The following FBLN1 variants were observed in gnomAD, a reference collection of about 807,000 sequenced individuals.
FBLN1 encodes fibulin-1.
FBLN1 carries 34 observed loss-of-function variants against 89.7 expected under a neutral mutation model. The observed-to-expected ratio is 0.38, with a 90% CI of 0.29 to 0.50. The LOEUF (loss-of-function observed/expected upper bound fraction) is 0.50. Ranked by LOEUF, FBLN1 falls within the 20% of genes least tolerant of loss-of-function variation. The pLI is 0.92. For synonymous variants in FBLN1, 393 were observed against 391.3 expected, an observed-to-expected ratio of 1.00 and a Z score of -0.05; for missense variants, 777 against 988.1, an observed-to-expected ratio of 0.79 and a Z score of 2.86.
In FBLN1 at chr22:45,551,204, G is replaced by A. The variant is rs1326933412; in HGVS notation, c.1697+589G>A. The A allele has an allele frequency of 3.9e-5, 7 of 179,280 alleles. No individual in the cohort carries two copies. The East Asian group carries it at 5.4e-4, about 14-fold the overall frequency. 11.1% of individuals were successfully genotyped at this position (179,280 alleles called of 1,614,324 possible). A position where few individuals can be genotyped will look rare whatever the true frequency, so the allele number is the denominator to read the frequency against. ...CATCACGGCGCCCACTTGAGACCAC[G>A]GTTCCCACTTCCTATCCCCCTTGCC... On this transcript the variant is annotated intron_variant, in intron 14 of 16. Coordinates refer to ENST00000327858, the MANE Select transcript of FBLN1 (RefSeq NM_006486.3).
chr22:45,524,304 G>A (rs1210501315), intron 2 of FBLN1, among the ~76,000 whole-genome samples: 1 of 152,184 alleles, frequency 6.6e-6, no homozygotes, highest in Non-Finnish European at 1.5e-5. Flanking sequence ...CTGGAGCTGG[G>A]GTTATTTTGG....
rs181866861 is a variant in FBLN1 at position 45,526,080 on chromosome 22, G to A, written c.321+402G>A. 2.1e-3 allele frequency among the ~76,000 whole-genome samples: 316 copies of A among 152,266 alleles called. 8 individuals are homozygous for A. Among genetic ancestry groups the A allele is most frequent in the Admixed American group, 0.021 (315 of 15,296 alleles). On this transcript the variant is annotated intron_variant, in intron 3 of 16. Transcript: ENST00000327858. ...CTCAGGCTTCTCTACCCACAGACTC[G>A]TCAGGGTCCAGAGGTAAAAATGGGC...
rs1274330232 is a variant in FBLN1, at chr22:45,556,921, C to T, written c.1697+6306C>T. 6.6e-6 allele frequency among the ~76,000 whole-genome samples: 1 copy of T among 152,046 alleles called. No individual in the cohort carries two copies. The highest frequency in any genetic ancestry group is 1.5e-5 in the Non-Finnish European group (1 of 68,018). On this transcript the variant is annotated intron_variant, in intron 14 of 16. Transcript: ENST00000327858. This position sits in a 1 kb window ranked among gnomAD's most constrained non-coding sequence, Gnocchi z 4.6. ...TGAGTGGTGCCACTTCCATTTCCAC[C>T]CTTGGATGCCTGGACCCGTGAATCC...
intron 14 of FBLN1, among the ~76,000 whole-genome samples, chr22:45,570,319 C>CAAAAAAAAAAAAAAAAAAAAAAAAAA (rs761469854): frequency 1.4e-4 from 5 of 36,406 alleles, no homozygotes; most frequent in Admixed American, 3.6e-4. Context: ...GACTCTGTCT[C>CAAAAAAAAAAAAAAAAAAAAAAAAAA]AAAAAAAAAA....
At chr22:45,515,620 G>T (rs2088159116) in intron 1 of FBLN1, among the ~76,000 whole-genome samples, 1 of 152,132 alleles carries the variant, frequency 6.6e-6, no homozygotes, top group African/African-American at 2.4e-5. Flanking sequence ...TCACCTGCGG[G>T]GGATTCCGCA....
At position 45,576,603 on chromosome 22, in the gene FBLN1, CT is replaced by C. The variant is rs1428986948; in HGVS notation, c.1841-373del. 6.6e-6 allele frequency among the ~76,000 whole-genome samples: 1 copy of C among 152,122 alleles called. No homozygotes were observed. ...CTATAGATGGGAGAGGAGCCCACCC[CT>C]CTGGCCTTTCTGCTGTCTCCCTCTG... On this transcript the variant is annotated intron_variant, in intron 15 of 16. Coordinates refer to ENST00000327858, the MANE Select transcript of FBLN1 (RefSeq NM_006486.3). This position sits in a 1 kb window ranked among gnomAD's most constrained non-coding sequence, Gnocchi z 5.2.
chr22:45,531,200 G>T lies in FBLN1; in HGVS notation c.485-65G>T. ...ATAGTGACAAGAAGAGAGAATGTTG[G>T]GAGTTTCTTTTAAGATAAGATGGGT... On this transcript the variant is annotated intron_variant, in intron 4 of 16. Transcript: ENST00000327858. This position sits in a 1 kb window ranked among gnomAD's most constrained non-coding sequence, Gnocchi z 4.9. 7.2e-7 allele frequency: 1 copy of T among 1,384,616 alleles called. No homozygotes were observed. Among genetic ancestry groups the T allele is most frequent in the Non-Finnish European group, 1.0e-6 (1 of 971,160 alleles). The allele number at this position is 1,384,616 out of a possible 1,614,324, so 85.8% of individuals were successfully genotyped here. A position where few individuals can be genotyped will look rare whatever the true frequency, so the allele number is the denominator to read the frequency against.
chr22:45,589,807 C>T (rs949983054), intron 16 of FBLN1, among the ~76,000 whole-genome samples: 2 of 152,022 alleles, frequency 1.3e-5, no homozygotes, highest in African/African-American at 4.8e-5. Flanking sequence ...TGCCTCATGT[C>T]TCCACCCTCC....
In FBLN1 at chr22:45,578,452, A is replaced by AG. The variant is rs1353634564; in HGVS notation, c.1972+1348dup. On this transcript the variant is annotated intron_variant, in intron 16 of 16. Coordinates refer to ENST00000327858, the MANE Select transcript of FBLN1 (RefSeq NM_006486.3). This position sits in a 1 kb window ranked among gnomAD's most constrained non-coding sequence, Gnocchi z 4.6. ...GTGCATTAGCCCTCGCGTGATTCCA[A>AG]GGGGAAGGCGCATGGTTTGGTTGTC... 1 of 152,156 alleles carries AG rather than the reference A, an allele frequency of 6.6e-6. No individual in the cohort carries two copies. Among genetic ancestry groups the AG allele is most frequent in the African/African-American group, 2.4e-5 (1 of 41,448 alleles). The allele number at this position is 152,156 out of a possible 1,614,324, so 9.4% of individuals were successfully genotyped here. A position where few individuals can be genotyped will look rare whatever the true frequency, so the allele number is the denominator to read the frequency against.
chr22:45,525,892 C>T (rs2088320855), intron 3 of FBLN1, among the ~76,000 whole-genome samples: 5 of 152,202 alleles, frequency 3.3e-5, no homozygotes, highest in African/African-American at 9.6e-5. Context: ...CACCTGGGGC[C>T]GAGTCTCCCA....
chr22:45,526,223 C>T (rs1263398880), intron 3 of FBLN1, among the ~76,000 whole-genome samples: 7 of 152,212 alleles, frequency 4.6e-5, no homozygotes, highest in African/African-American at 9.6e-5. Flanking sequence ...GGGACCCAGA[C>T]GGGATCCTGC....
At position 45,518,806 on chromosome 22, in the gene FBLN1, A is replaced by G. The variant is rs1261326865; in HGVS notation, c.185+19A>G. ...AATGCAGGTACGTTTGCCAGTGGCC[A>G]CTGTTTCACTGGAACAATGTTCCTT... is the stretch of plus-strand genomic sequence containing the variant. On this transcript the variant is annotated intron_variant, in intron 2 of 16. Transcript: ENST00000327858. The G allele has an allele frequency of 1.9e-6, 3 of 1,561,876 alleles. No homozygotes were observed. Among genetic ancestry groups the G allele is most frequent in the East Asian group, 4.6e-5 (2 of 43,468 alleles).
chr22:45,512,725 G>A (rs369162483), intron 1 of FBLN1, among the ~76,000 whole-genome samples: 10 of 152,218 alleles, frequency 6.6e-5, no homozygotes, highest in African/African-American at 2.2e-4. Flanking sequence ...CAGGACACAC[G>A]GGGGAGCTGT....
At position 45,563,934 on chromosome 22, in the gene FBLN1, T is replaced by C. The variant is rs957665494; in HGVS notation, c.1698-10577T>C. 6.6e-6 allele frequency among the ~76,000 whole-genome samples: 1 copy of C among 152,186 alleles called. No individual in the cohort carries two copies. The highest frequency in any genetic ancestry group is 1.5e-5 in the Non-Finnish European group (1 of 68,042). ...TCCTAGGATGCAGCTCTTGCCTCAG[T>C]GAAGTCGTTTTGCCCCCACTGAGGA... is the stretch of plus-strand genomic sequence containing the variant. On this transcript the variant is annotated intron_variant, in intron 14 of 16. Transcript: ENST00000327858. The surrounding 1 kb of genome is among the most constrained non-coding windows in gnomAD (Gnocchi z 5.7).
Position 45,535,224 on chromosome 22 carries a change from T to C in FBLN1, c.809T>C (p.Ile270Thr), listed in dbSNP as rs773046273. ...GATATTGACGAGTGTGAGAGTGGTA[T>C]TCATAACTGCCTCCCCGATTTTATC... ...CKDIDECESG[I>T]HNCLPDFICQ... The change falls in exon 8 of 17, where the codon ATT becomes ACT. Residue 270 changes from isoleucine (I) to threonine (T), a missense_variant. By Grantham distance (89) the Ile-to-Thr change is moderately conservative. Transcript: ENST00000327858. 9 of 1,614,076 alleles carry C rather than the reference T, an allele frequency of 5.6e-6. No individual in the cohort carries two copies. Among genetic ancestry groups the C allele is most frequent in the Admixed American group, 1.7e-5 (1 of 59,994 alleles).
intron 14 of FBLN1, among the ~76,000 whole-genome samples, chr22:45,553,564 C>T (rs570870410): frequency 3.3e-5 from 5 of 152,306 alleles, no homozygotes; most frequent in Non-Finnish European, 5.9e-5. Flanking sequence ...GAGCGAAGTA[C>T]GATCATTGAA....
chr22:45,532,375 C>T lies in FBLN1; in HGVS notation c.545-688C>T, dbSNP rs1319510923. Among the ~76,000 whole-genome samples the T allele has an allele frequency of 1.3e-5, 2 of 152,042 alleles. No individual in the cohort carries two copies. Among genetic ancestry groups the T allele is most frequent in the Non-Finnish European group, 2.9e-5 (2 of 67,996 alleles). ...TGTAAAGGGCACGGACCCACTGTAG[C>T]AGGGTACTGGGAGGCAGTGGGCTGG... On this transcript the variant is annotated intron_variant, in intron 5 of 16. Coordinates refer to ENST00000327858, the MANE Select transcript of FBLN1 (RefSeq NM_006486.3). This position sits in a 1 kb window ranked among gnomAD's most constrained non-coding sequence, Gnocchi z 4.2.
chr22:45,567,272 G>A (rs1036085613), intron 14 of FBLN1, among the ~76,000 whole-genome samples: 1 of 152,228 alleles, frequency 6.6e-6, no homozygotes, highest in African/African-American at 2.4e-5. Context: ...AGCTAAAGGA[G>A]GAGGCAGTGT....
intron 1 of FBLN1, chr22:45,503,304 A>C: frequency 3.8e-6 from 1 of 265,924 alleles, no homozygotes; most frequent in Non-Finnish European, 7.1e-6. Context: ...CCTCAAACAC[A>C]CCGTCCTACC....
Sources: gnomAD v4.1 joint callset for allele counts (sites outside exome capture counted in the v4.1 genomes callset) on GRCh38, gnomAD v4.1.1 for gene constraint, Gnocchi (gnomAD v3.1) non-coding constraint, MANE v1.5 for transcripts, NCBI Gene and HGNC (gene_info 2026-07-23, HGNC 2026-07-21) for gene names.